The following ZNF726 variants were observed in gnomAD, a reference collection of about 807,000 sequenced individuals.
ZNF726 encodes the protein zinc finger protein 92 pseudogene 3.
A neutral mutation model predicts 11.6 loss-of-function variants in ZNF726; 15 were observed. That is an observed-to-expected ratio of 1.29 (90% CI 0.86 to 1.99). The LOEUF is 1.99. Ranked by LOEUF, ZNF726 falls within the 30% of genes most tolerant of loss-of-function variation. The pLI is 0.00. For synonymous variants in ZNF726, 295 were observed against 243.6 expected, an observed-to-expected ratio of 1.21 and a Z score of -1.96; for missense variants, 890 against 725.6, an observed-to-expected ratio of 1.23 and a Z score of -2.60.
chr19:23,915,128 C>T (rs1967664872), intron 1 of ZNF726, 131 bp downstream of exon 1: 8 of 1,377,322 alleles, frequency 5.8e-6, no homozygotes, highest in Non-Finnish European at 8.1e-6. Flanking sequence ...TTGCCCAGCT[C>T]GGCCTCAGTC....
intron 1 of ZNF726, among the ~76,000 whole-genome samples, chr19:23,918,157 G>A (rs1472699586): frequency 1.3e-5 from 2 of 152,160 alleles, no homozygotes; most frequent in African/African-American, 4.8e-5. Context: ...GTGGGATGTG[G>A]CTCCATACAT....
chr19:23,940,521 G>T (rs1308023487), intron 3 of ZNF726, among the ~76,000 whole-genome samples: 1 of 151,966 alleles, frequency 6.6e-6, no homozygotes, highest in African/African-American at 2.4e-5. Flanking sequence ...TTTTAACTGT[G>T]TGAAGAATGA....
chr19:23,937,091 C>A (rs996950865), downstream of ZNF726, among the ~76,000 whole-genome samples: 8 of 93,384 alleles, frequency 8.6e-5, no homozygotes, highest in Admixed American at 4.5e-4. Context: ...GGGGGGCTGA[C>A]CCCCCCCACC....
intron 3 of ZNF726, among the ~76,000 whole-genome samples, chr19:23,929,994 GTA>G (rs1335767028): frequency 6.6e-6 from 1 of 152,086 alleles, no homozygotes; most frequent in Non-Finnish European, 1.5e-5. Flanking sequence ...GAGTCTCACT[GTA>G]TTACTCAGGC....
intron 1 of ZNF726, among the ~76,000 whole-genome samples, chr19:23,918,082 A>G (rs1355438709): frequency 6.6e-6 from 1 of 152,156 alleles, no homozygotes; most frequent in Non-Finnish European, 1.5e-5. Flanking sequence ...GCAAGGCAGG[A>G]AGATCAGTTT....
chr19:23,937,304 C>T (rs1393249872), downstream of ZNF726, among the ~76,000 whole-genome samples: 20 of 152,002 alleles, frequency 1.3e-4, no homozygotes, highest in East Asian at 7.9e-4. Context: ...ACCTCCCTTC[C>T]GGACGAGGTG....
At chr19:23,928,469 G>A (rs550002459) in intron 3 of ZNF726, 1 of 151,986 alleles carries the variant, frequency 6.6e-6, no homozygotes, top group African/African-American at 2.4e-5. Flanking sequence ...ATATATTTTG[G>A]AGCCCTGATA....
Position 23,920,083 on chromosome 19 carries a change from G to A in ZNF726, c.226+1G>A. ...GATGAGATGGTGGATGAACCCCCAG[G>A]TAGGTGAGAGTGAATACAACAGATG... On this transcript the variant is annotated splice_donor_variant, in intron 3 of 3. Transcript: ENST00000594466. LOFTEE classifies it high-confidence loss of function. 1 of 1,572,384 alleles carries A rather than the reference G, an allele frequency of 6.4e-7. No homozygotes were observed. The highest frequency in any genetic ancestry group is 8.7e-7 in the Non-Finnish European group (1 of 1,153,930).
At chr19:23,919,030 A>C (rs1230264820) in intron 1 of ZNF726, 1 of 207,190 alleles carries the variant, frequency 4.8e-6, no homozygotes. Flanking sequence ...TTGTCTGAAA[A>C]ATATAAACAG....
At chr19:23,926,589 AG>A (rs1464557100) in intron 3 of ZNF726, among the ~76,000 whole-genome samples, 4 of 143,662 alleles carry the variant, frequency 2.8e-5, no homozygotes. Flanking sequence ...AAAAAAAAAA[AG>A]TTATCTTCCT....
chr19:23,926,883 C>T (rs1338883805), intron 3 of ZNF726, among the ~76,000 whole-genome samples: 1 of 151,998 alleles, frequency 6.6e-6, no homozygotes, highest in East Asian at 1.9e-4. Context: ...AATATAATGT[C>T]TCTGTTGTTT....
chr19:23,932,036 A>T (rs1968117141), intron 3 of ZNF726, among the ~76,000 whole-genome samples: 1 of 152,218 alleles, frequency 6.6e-6, no homozygotes. Context: ...GCACTATGTT[A>T]TAGTGGGAAG....
In ZNF726 at chr19:23,926,665, T is replaced by C. The variant is rs534347549; in HGVS notation, c.227-5678T>C. Among the ~76,000 whole-genome samples, 5 of 152,230 alleles carry C rather than the reference T, an allele frequency of 3.3e-5. No homozygotes were observed. In the South Asian group the frequency reaches 8.3e-4, roughly 25 times the overall value. The stretch of plus-strand genomic sequence containing the variant: ...ATAATCGAACTTCATTTTATCGTTA[T>C]GGATGTTCAGCTTTCAACATAATTT... On this transcript the variant is annotated intron_variant, in intron 3 of 3. Transcript: ENST00000594466.
Position 23,933,983 on chromosome 19 carries a change from G to A in ZNF726, c.*16G>A, listed in dbSNP as rs577119050. The stretch of plus-strand genomic sequence containing the variant: ...TCATACTTGAGAGAAACCTTAAAAA[G>A]GGTAAAGAATGTGGCAAAGCATTTA... On this transcript the variant is annotated 3_prime_UTR_variant, in exon 4 of 4. Coordinates refer to ENST00000594466, the MANE Select transcript of ZNF726 (RefSeq NM_001244038.2). 2,266 of 1,577,916 alleles carry A rather than the reference G, an allele frequency of 1.4e-3. 13 individuals are homozygous for A. The highest frequency in any genetic ancestry group is 0.012 in the South Asian group (1,022 of 87,192).
intron 3 of ZNF726, among the ~76,000 whole-genome samples, chr19:23,921,835 T>C (rs1293098867): frequency 1.3e-5 from 2 of 152,238 alleles, no homozygotes; most frequent in Admixed American, 1.3e-4. Context: ...CTTATTGGTC[T>C]TCAATTTCAA....
At chr19:23,938,975 T>TA (rs1357807330), downstream of ZNF726, among the ~76,000 whole-genome samples, 1 of 152,216 alleles carries the variant, frequency 6.6e-6, no homozygotes, top group African/African-American at 2.4e-5. Flanking sequence ...ATTTTTTTTT[T>TA]AATTTCATTG....
chr19:23,917,180 G>T (rs2144954780), intron 1 of ZNF726, among the ~76,000 whole-genome samples: 1 of 152,264 alleles, frequency 6.6e-6, no homozygotes, highest in Non-Finnish European at 1.5e-5. Flanking sequence ...CAAACTTCTG[G>T]CCTCAAGTGA....
rs1968194282 is a variant in ZNF726 at position 23,934,484 on chromosome 19, T to A, written c.*517T>A. ...AAAGAAACCCTGCAAGTCTGAAGAA[T>A]GTGGGAAATCTTTCTTTTTTTTCCA... On this transcript the variant is annotated 3_prime_UTR_variant, in exon 4 of 4. Transcript: ENST00000594466. The A allele has an allele frequency of 2.6e-6, 1 of 382,656 alleles. No individual in the cohort carries two copies. Among genetic ancestry groups the A allele is most frequent in the Non-Finnish European group, 5.2e-6 (1 of 191,524 alleles). 23.7% of individuals were successfully genotyped at this position (382,656 alleles called of 1,614,324 possible). A position where few individuals can be genotyped will look rare whatever the true frequency, so the allele number is the denominator to read the frequency against.
At chr19:23,923,282 A>G (rs1482176728) in intron 3 of ZNF726, 1 of 318,484 alleles carries the variant, frequency 3.1e-6, no homozygotes, top group Non-Finnish European at 6.0e-6. Context: ...GCATATATTT[A>G]AAACATAAAA....
Sources: gnomAD v4.1 joint callset for allele counts (sites outside exome capture counted in the v4.1 genomes callset) on GRCh38, gnomAD v4.1.1 for gene constraint, MANE v1.5 for transcripts, NCBI Gene and HGNC (gene_info 2026-07-23, HGNC 2026-07-21) for gene names.